The following RBFOX1 variants were observed in gnomAD, a reference collection of about 807,000 sequenced individuals.
RBFOX1 encodes RNA binding fox-1 homolog 1, also known as RNA binding protein fox-1 homolog 1.
RBFOX1 carries 8 observed loss-of-function variants against 57.7 expected under a neutral mutation model. That is an observed-to-expected ratio of 0.14 (90% CI 0.08 to 0.25). The LOEUF is 0.25. Among genes scored for constraint, RBFOX1 ranks in the 10% least tolerant of loss-of-function variants. The pLI is 1.00. For missense variants in RBFOX1, 611 were observed against 548.5 expected (o/e 1.11, Z -1.14); for synonymous variants, 326 against 222.4 (o/e 1.47, Z -4.15).
chr16:7,592,657 T>G (rs942726972), intron 7 of RBFOX1, among the ~76,000 whole-genome samples: 2 of 152,172 alleles, frequency 1.3e-5, no homozygotes, highest in Non-Finnish European at 2.9e-5. Flanking sequence ...ATGGCTATGG[T>G]TGCTAGGAAG....
chr16:6,558,243 C>G (rs1300954354), intron 2 of RBFOX1, among the ~76,000 whole-genome samples: 3 of 152,064 alleles, frequency 2.0e-5, no homozygotes, highest in South Asian at 2.1e-4. Flanking sequence ...TGGCTCGTCC[C>G]CACCTCCCAT....
At chr16:6,046,939 G>C (rs145607364) in intron 1 of RBFOX1, among the ~76,000 whole-genome samples, 5 of 152,264 alleles carry the variant, frequency 3.3e-5, no homozygotes, top group African/African-American at 9.6e-5. Context: ...TAAGTATATG[G>C]TAACGGAGTT....
At chr16:6,882,778 G>C (rs1298679084) in intron 3 of RBFOX1, among the ~76,000 whole-genome samples, 1 of 151,924 alleles carries the variant, frequency 6.6e-6, no homozygotes, top group East Asian at 1.9e-4. Context: ...CGCAAGACCA[G>C]GATGCAAGTG....
At chr16:7,240,595 C>A (rs1379394129) in intron 4 of RBFOX1, among the ~76,000 whole-genome samples, 1 of 152,068 alleles carries the variant, frequency 6.6e-6, no homozygotes, top group Non-Finnish European at 1.5e-5. Flanking sequence ...CACTTTGTCA[C>A]CCAGGCTGGA....
At position 7,031,260 on chromosome 16, in the gene RBFOX1, T is replaced by G. The variant is rs574938542; in HGVS notation, c.-15-20797T>G. Among the ~76,000 whole-genome samples the G allele has an allele frequency of 5.3e-5, 8 of 152,222 alleles. No homozygotes were observed. In the South Asian group the frequency reaches 1.7e-3, roughly 32 times the overall value. The stretch of plus-strand genomic sequence containing the variant: ...CCTCTATTTACTCATGATGTCAACT[T>G]TGGCAGGTTGTTTAACCTTTGTGAC... On this transcript the variant is annotated intron_variant, in intron 3 of 15. Coordinates refer to ENST00000550418, the MANE Select transcript of RBFOX1 (RefSeq NM_018723.4).
At chr16:7,504,631 C>G (rs990127437) in intron 4 of RBFOX1, among the ~76,000 whole-genome samples, 1 of 144,386 alleles carries the variant, frequency 6.9e-6, no homozygotes, top group African/African-American at 2.7e-5. Flanking sequence ...CACTTCAAGA[C>G]TTTATGTTTC....
intron 1 of RBFOX1, among the ~76,000 whole-genome samples, chr16:6,090,687 G>A (rs75258703): frequency 0.013 from 1,960 of 152,290 alleles, 45 homozygotes; most frequent in African/African-American, 0.045. Context: ...AGGGTTTACT[G>A]TTCTTTTGAC....
At chr16:5,493,002 A>C (rs947321119) in intron 2 of RBFOX1, among the ~76,000 whole-genome samples, 1 of 152,344 alleles carries the variant, frequency 6.6e-6, no homozygotes, top group East Asian at 1.9e-4. Flanking sequence ...TCCACTGCCT[A>C]TCTTCCTAAA....
chr16:7,195,713 T>A (rs1339036922), intron 4 of RBFOX1, among the ~76,000 whole-genome samples: 1 of 151,932 alleles, frequency 6.6e-6, no homozygotes. Context: ...CCACCACACT[T>A]GGCTAATTTT....
intron 2 of RBFOX1, among the ~76,000 whole-genome samples, chr16:6,647,199 G>T (rs1383310209): frequency 7.2e-5 from 11 of 152,136 alleles, no homozygotes; most frequent in African/African-American, 2.4e-4. Flanking sequence ...GAGAAAATGA[G>T]TGAGCTCTCT....
rs537836773 is a variant in RBFOX1 at position 6,080,910 on chromosome 16, A to G, written c.-127+60918A>G. 2.3e-4 allele frequency among the ~76,000 whole-genome samples: 35 copies of G among 152,266 alleles called. No homozygotes were observed. In the South Asian group the frequency reaches 5.4e-3, roughly 24 times the overall value. ...TTAATTTTAAAGTATTTGAAGAGAA[A>G]ATCAAAGACATAGTCTGCATTTGGA... On this transcript the variant is annotated intron_variant, in intron 1 of 15. Coordinates refer to ENST00000550418, the MANE Select transcript of RBFOX1 (RefSeq NM_018723.4).
At chr16:5,511,746 A>G (rs952199594) in intron 2 of RBFOX1, among the ~76,000 whole-genome samples, 7 of 152,218 alleles carry the variant, frequency 4.6e-5, no homozygotes, top group African/African-American at 1.7e-4. Flanking sequence ...TGATTCCAGC[A>G]TTGAACCTCC....
chr16:7,447,059 G>A (rs185331566), intron 4 of RBFOX1, among the ~76,000 whole-genome samples: 152 of 151,652 alleles, frequency 1.0e-3, no homozygotes, highest in African/African-American at 3.5e-3. Context: ...TGATCTACCC[G>A]CCTTAGCCTC....
At chr16:6,225,796 C>T (rs934193207) in intron 1 of RBFOX1, among the ~76,000 whole-genome samples, 1 of 152,174 alleles carries the variant, frequency 6.6e-6, no homozygotes, top group African/African-American at 2.4e-5. Context: ...TTCCTACTAG[C>T]CTAGGAGACA....
chr16:6,861,549 C>T lies in RBFOX1; in HGVS notation c.-15-190508C>T, dbSNP rs146274897. Among the ~76,000 whole-genome samples the T allele has an allele frequency of 5.3e-3, 774 of 146,256 alleles. 8 individuals carry two copies. The highest frequency in any genetic ancestry group is 0.018 in the African/African-American group (722 of 40,468). ...CTCTCAATGTTCCTTTAACTGGGCA[C>T]GTTCAGTGTTAGCATCTTAGGCTCT... On this transcript the variant is annotated intron_variant, in intron 3 of 15. Coordinates refer to ENST00000550418, the MANE Select transcript of RBFOX1 (RefSeq NM_018723.4).
At chr16:7,191,833 A>C (rs2085465974) in intron 4 of RBFOX1, among the ~76,000 whole-genome samples, 1 of 152,236 alleles carries the variant, frequency 6.6e-6, no homozygotes, top group Non-Finnish European at 1.5e-5. Flanking sequence ...GAGGCGAAAG[A>C]GTCCGTTTGG....
At chr16:6,807,410 G>T (rs757142237) in intron 3 of RBFOX1, among the ~76,000 whole-genome samples, 1 of 152,104 alleles carries the variant, frequency 6.6e-6, no homozygotes. Flanking sequence ...TTGACTGAAT[G>T]GTGGTGCCAT....
chr16:7,184,076 A>G lies in RBFOX1; in HGVS notation c.27+131978A>G, dbSNP rs538314740. Among the ~76,000 whole-genome samples the G allele has an allele frequency of 1.7e-3, 257 of 152,254 alleles. 1 individual carries two copies. Among genetic ancestry groups the G allele is most frequent in the African/African-American group, 5.9e-3 (247 of 41,548 alleles). On this transcript the variant is annotated intron_variant, in intron 4 of 15. Transcript: ENST00000550418. ...AAGTGGTGGTGGAGAAGAAGGCAGG[A>G]TTGGTGAGAAGAGCCTGGCAGCACA...
chr16:6,393,652 C>A (rs184845603), intron 2 of RBFOX1, among the ~76,000 whole-genome samples: 15 of 152,182 alleles, frequency 9.9e-5, no homozygotes, highest in African/African-American at 3.6e-4. Context: ...TCATTTCCTT[C>A]CATCTTCTCT....
Sources: allele counts gnomAD v4.1 joint callset (sites outside exome capture counted in the v4.1 genomes callset), GRCh38; gene constraint gnomAD v4.1.1; transcripts MANE v1.5; gene names NCBI Gene and HGNC (gene_info 2026-07-23, HGNC 2026-07-21).